Variants in COL11A1 observed in about 807,000 individuals in gnomAD.
COL11A1 encodes the protein collagen alpha-1(XI) chain.
Under a neutral mutation model 265.2 loss-of-function variants are expected in COL11A1, and 74 were observed. That is an observed-to-expected ratio of 0.28 (90% CI 0.23 to 0.34). The LOEUF (loss-of-function observed/expected upper bound fraction) is 0.34, where lower values mean the gene tolerates loss of function less well. Among genes scored for constraint, COL11A1 ranks in the 10% least tolerant of loss-of-function variants. The pLI is 1.00. For missense variants in COL11A1, 2,165 were observed against 2,263.6 expected (o/e 0.96, Z 0.88); for synonymous variants, 816 against 727.6 (o/e 1.12, Z -1.96).
intron 54 of COL11A1, among the ~76,000 whole-genome samples, 165 bp from the exon 55 acceptor site, chr1:102,899,159 T>C (rs912478409): frequency 2.0e-5 from 3 of 151,982 alleles, no homozygotes; most frequent in Non-Finnish European, 2.9e-5. Context: ...ACCCATTTTA[T>C]GTACAAACTT....
chr1:102,878,377 TTAAC>T (rs1018174660), intron 66 of COL11A1, among the ~76,000 whole-genome samples: 1 of 149,458 alleles, frequency 6.7e-6, no homozygotes, highest in African/African-American at 2.4e-5. Context: ...CTGTAATTAC[TTAAC>T]TATGATAGTG....
At position 103,041,384 on chromosome 1, in the gene COL11A1, T is replaced by C. The variant is rs956706737; in HGVS notation, c.652-10140A>G. 2.0e-5 allele frequency among the ~76,000 whole-genome samples: 3 copies of C among 151,836 alleles called. No individual in the cohort carries two copies. In the South Asian group the frequency reaches 6.2e-4, roughly 31 times the overall value. ...TCAATTTTTAGCATCATCCTTTTTT[T>C]TTGGTGCCTGTTCTAAGTCCCTCAG... On this transcript the variant is annotated intron_variant, in intron 4 of 66. Coordinates refer to ENST00000370096, the MANE Select transcript of COL11A1 (RefSeq NM_001854.4).
chr1:103,096,201 C>A (rs755962190), intron 1 of COL11A1, among the ~76,000 whole-genome samples: 3 of 151,850 alleles, frequency 2.0e-5, no homozygotes, highest in African/African-American at 4.8e-5. Flanking sequence ...AGAAGAAACT[C>A]TAGGCTCACT....
At chr1:102,956,927 T>C (rs1230729363) in intron 41 of COL11A1, among the ~76,000 whole-genome samples, 1 of 151,730 alleles carries the variant, frequency 6.6e-6, no homozygotes, top group Non-Finnish European at 1.5e-5. Flanking sequence ...TTAAATATTC[T>C]ATAAAAAGCA....
chr1:103,006,073 C>T lies in COL11A1; in HGVS notation c.1786G>A (p.Ala596Thr), dbSNP rs758567291. ...AAAATATGTGAGCTCCTGACCTTTG[C>T]CCCAGGTTCTCCTGGCATTCCTCTT... is the stretch of plus-strand genomic sequence containing the variant. ...GGRGMPGEPG[A>T]KGDRGFDGLP... The change falls in exon 17 of 67, where the codon GCA (alanine) becomes ACA (threonine). Residue 596 changes from alanine (A) to threonine (T), a missense_variant. Coordinates refer to ENST00000370096, the MANE Select transcript of COL11A1 (RefSeq NM_001854.4). 2.5e-6 allele frequency: 4 copies of T among 1,613,926 alleles called. No individual in the cohort carries two copies. The highest frequency in any genetic ancestry group is 1.7e-5 in the Admixed American group (1 of 60,006).
At chr1:103,021,992 G>A (rs909039754) in intron 8 of COL11A1, among the ~76,000 whole-genome samples, 33 of 146,178 alleles carry the variant, frequency 2.3e-4, no homozygotes, top group Admixed American at 4.8e-4. Context: ...GACTACAGGC[G>A]CCCGCCACCA....
chr1:102,935,263 C>A, intron 44 of COL11A1, 150 bp from the exon 45 acceptor site: 1 of 651,954 alleles, frequency 1.5e-6, no homozygotes, highest in Non-Finnish European at 2.7e-6. Flanking sequence ...GCATTTACTG[C>A]AATCATTATT....
At chr1:102,947,092 C>T (rs1238793053) in intron 41 of COL11A1, 136 bp from the exon 42 acceptor site, 7 of 795,074 alleles carry the variant, frequency 8.8e-6, no homozygotes, top group South Asian at 6.5e-5. Context: ...ATTTTAAGAT[C>T]CCAAAGAGAA....
rs779869745 is a variant in COL11A1 at position 102,979,070 on chromosome 1, C to T, written c.2645G>A (p.Arg882His). ...VAGKPGPRGQ[R>H]GPTGPRGSRG... ...AATCAAGGCACCTACCGTTGGACCA[C>T]GCTGACCCCGAGGGCCTGGTTTGCC... is the stretch of plus-strand genomic sequence containing the variant. Residue 882 changes from arginine (R) to histidine (H), a missense_variant, in exon 33 of 67, where the codon CGT becomes CAT. Physicochemically the swap from Arg to His is conservative, Grantham distance 29. Coordinates refer to ENST00000370096, the MANE Select transcript of COL11A1 (RefSeq NM_001854.4). The T allele has an allele frequency of 6.8e-6, 11 of 1,614,134 alleles. No homozygotes were observed. Among genetic ancestry groups the T allele is most frequent in the East Asian group, 2.2e-5 (1 of 44,888 alleles).
At position 102,982,588 on chromosome 1, in the gene COL11A1, T is replaced by C. The variant is rs978173624; in HGVS notation, c.2556+1550A>G. ...TGATAAAAAGTATTAATCAGTGTCC[T>C]GAGTACAGCCAGAAAATATTTAAAT... On this transcript the variant is annotated intron_variant, in intron 31 of 66. Coordinates refer to ENST00000370096, the MANE Select transcript of COL11A1 (RefSeq NM_001854.4). Among the ~76,000 whole-genome samples the C allele has an allele frequency of 2.0e-5, 3 of 152,072 alleles. No individual in the cohort carries two copies. The East Asian group carries it at 5.8e-4, about 29-fold the overall frequency.
Position 102,878,174 on chromosome 1 carries a change from T to G in COL11A1, c.5275-9A>C, listed in dbSNP as rs200949243. ...TCATAGCCTTTTCTGGACTGTAAAA[T>G]AAAGCAGAAATAAAAAGTTATACAA... On this transcript the variant is annotated splice_polypyrimidine_tract_variant and intron_variant, in intron 66 of 66. Coordinates refer to ENST00000370096, the MANE Select transcript of COL11A1 (RefSeq NM_001854.4). 8 of 1,605,542 alleles carry G rather than the reference T, an allele frequency of 5.0e-6. No homozygotes were observed. In the East Asian group the frequency reaches 1.8e-4, roughly 36 times the overall value.
At position 103,005,889 on chromosome 1, in the gene COL11A1, T is replaced by G. The variant is rs199986197; in HGVS notation, c.1794A>C (p.Gly598=). 1 of 1,588,814 alleles carries G rather than the reference T, an allele frequency of 6.3e-7. No individual in the cohort carries two copies. Among genetic ancestry groups the G allele is most frequent in the Middle Eastern group, 1.7e-4 (1 of 6,022 alleles). The change falls in exon 18 of 67, where the codon GGA becomes GGC. Residue 598 remains glycine (G), a splice_region_variant and synonymous_variant. Transcript: ENST00000370096. The stretch of plus-strand genomic sequence containing the variant: ...CCGGAAGTCCATCAAACCCTCGATC[T>G]CCCTGTAAAACCATCATCATCATCA... The part of the protein sequence containing the change: ...RGMPGEPGAK[G]DRGFDGLPGL...
intron 24 of COL11A1, chr1:103,001,083 A>G: frequency 2.5e-6 from 1 of 397,038 alleles, no homozygotes; most frequent in Middle Eastern, 6.3e-4. Flanking sequence ...AAATCTACAG[A>G]GACAGAAAGC....
intron 42 of COL11A1, among the ~76,000 whole-genome samples, chr1:102,943,482 C>CACACACACAA (rs61159892): frequency 0.014 from 1,714 of 120,936 alleles, 31 homozygotes; most frequent in African/African-American, 0.054. Flanking sequence ...CACACACACA[C>CACACACACAA]ACAAACAACC....
intron 38 of COL11A1, among the ~76,000 whole-genome samples, chr1:102,964,587 G>GGTGTGTGTGTGTGT (rs10627254): frequency 5.4e-5 from 8 of 149,422 alleles, no homozygotes; most frequent in African/African-American, 2.0e-4. Flanking sequence ...TTTCTCTAGG[G>GGTGTGTGTGTGTGT]GTGTGTGTGT....
At chr1:102,998,977 G>A (rs1490889984) in intron 24 of COL11A1, among the ~76,000 whole-genome samples, 2 of 151,874 alleles carry the variant, frequency 1.3e-5, no homozygotes, top group Non-Finnish European at 2.9e-5. Flanking sequence ...CATTGAACAT[G>A]ACCATTTCTA....
Position 102,934,954 on chromosome 1 carries a change from A to G in COL11A1, c.3492+106T>C. 2.8e-6 allele frequency: 3 copies of G among 1,057,488 alleles called. No homozygotes were observed. The South Asian group carries it at 4.1e-5, about 14-fold the overall frequency. 65.5% of individuals were successfully genotyped at this position (1,057,488 alleles called of 1,614,324 possible). A position where few individuals can be genotyped will look rare whatever the true frequency, so the allele number is the denominator to read the frequency against. ...AAATTTGATTTAATGTCAAACATAC[A>G]AACAAAACTTATTACCCCACAAAAT... On this transcript the variant is annotated intron_variant, in intron 45 of 66. Coordinates refer to ENST00000370096, the MANE Select transcript of COL11A1 (RefSeq NM_001854.4).
At chr1:102,989,958 G>A (rs1663965598) in intron 28 of COL11A1, among the ~76,000 whole-genome samples, 1 of 152,100 alleles carries the variant, frequency 6.6e-6, no homozygotes, top group Admixed American at 6.6e-5. Flanking sequence ...GGCGGAGGCG[G>A]GCAGATTATT....
Position 102,978,741 on chromosome 1 carries a change from A to T in COL11A1, c.2721T>A (p.Gly907=). ...TGKPGPKGTS[G]GDGPPGPPGE... ...CTGGAGGGCCAGGAGGGCCATCGCC[A>T]CCTGAAGTGCCCTGGCACCAAGAAA... Residue 907 remains glycine, a synonymous_variant, in exon 35 of 67, where the codon GGT becomes GGA. Coordinates refer to ENST00000370096, the MANE Select transcript of COL11A1 (RefSeq NM_001854.4). 8 of 1,614,176 alleles carry T rather than the reference A, an allele frequency of 5.0e-6. No individual in the cohort carries two copies. The highest frequency in any genetic ancestry group is 6.8e-6 in the Non-Finnish European group (8 of 1,180,016).
Sources: gnomAD v4.1 joint callset for allele counts (sites outside exome capture counted in the v4.1 genomes callset) on GRCh38, gnomAD v4.1.1 for gene constraint, MANE v1.5 for transcripts, NCBI Gene and HGNC (gene_info 2026-07-23, HGNC 2026-07-21) for gene names.